The following CLK2 variants were observed in gnomAD, a reference collection of about 807,000 sequenced individuals.
The protein encoded by CLK2 is CDC like kinase 2.
CLK2 carries 12 observed loss-of-function variants against 73.5 expected under a neutral mutation model. That is an observed-to-expected ratio of 0.16 (90% confidence interval 0.10 to 0.26). The LOEUF (loss-of-function observed/expected upper bound fraction) is 0.26. CLK2 is among the 10% of genes least tolerant of loss of function. The pLI, the probability that CLK2 is intolerant of heterozygous loss-of-function variation, is 1.00. For synonymous variants in CLK2, 232 were observed against 237.9 expected, an observed-to-expected ratio of 0.98 and a Z score of 0.23; for missense variants, 509 against 688.4, an observed-to-expected ratio of 0.74 and a Z score of 2.92.
chr1:155,268,642 G>T lies in CLK2; in HGVS notation c.487+66C>A. The T allele has an allele frequency of 6.9e-7, 1 of 1,443,500 alleles. No homozygotes were observed. The highest frequency in any genetic ancestry group is 9.8e-7 in the Non-Finnish European group (1 of 1,024,676). The allele number at this position is 1,443,500 out of a possible 1,614,324, so 89.4% of individuals were successfully genotyped here. On this transcript the variant is annotated intron_variant, in intron 4 of 12. Transcript: ENST00000368361. The surrounding 1 kb of genome is among the most constrained non-coding windows in gnomAD (Gnocchi z 5.6). ...AGGCAAGAGGCTGTGACTCAGGTTG[G>T]CTTGGGACGTTAGGATGGCTATGGG...
chr1:155,267,984 C>T lies in CLK2; in HGVS notation c.671+26G>A, dbSNP rs1273707537. On this transcript the variant is annotated intron_variant, in intron 6 of 12. Coordinates refer to ENST00000368361, the MANE Select transcript of CLK2 (RefSeq NM_001294338.2). Reference sequence around the variant, plus strand: ...GTGTAGGGGTTGGGGCTCTCAGCCTCCCTACATACTTCCTTGCTTGCTTAC... The same window carrying T: ...GTGTAGGGGTTGGGGCTCTCAGCCTTCCTACATACTTCCTTGCTTGCTTAC... 3.2e-6 allele frequency: 5 copies of T among 1,552,232 alleles called. No individual in the cohort carries two copies. In the East Asian group the frequency reaches 6.7e-5, roughly 21 times the overall value.
rs746522251 is a variant in CLK2, at chr1:155,265,838, G to A, written c.933+22C>T. 10 of 1,522,110 alleles carry A rather than the reference G, an allele frequency of 6.6e-6. 1 individual carries two copies. The South Asian group carries it at 1.1e-4, about 17-fold the overall frequency. The allele number at this position is 1,522,110 out of a possible 1,614,324, so 94.3% of individuals were successfully genotyped here. ...GCAGCTGCCTGCCCCCAGTAACCAAGGGCAGACCCTATCCATCTTACCTTC... is the reference window on the plus strand; with the variant it reads ...GCAGCTGCCTGCCCCCAGTAACCAAAGGCAGACCCTATCCATCTTACCTTC... On this transcript the variant is annotated intron_variant, in intron 8 of 12. Transcript: ENST00000368361.
At chr1:155,265,277 G>A (rs1673173651) in intron 8 of CLK2, among the ~76,000 whole-genome samples, 1 of 152,108 alleles carries the variant, frequency 6.6e-6, no homozygotes, top group Non-Finnish European at 1.5e-5. Context: ...TCTCAAAAAA[G>A]AAGTCCGGGC....
Position 155,269,561 on chromosome 1 carries a change from C to T in CLK2, c.326G>A (p.Arg109His), listed in dbSNP as rs1347527146. ...YEYQRENSSYRSQRSSRRKHR... is the reference protein window; with the variant it reads ...YEYQRENSSYHSQRSSRRKHR... ...CTTCCTCCGGCTGCTGCGCTGGCTG[C>T]GGTAACTGCTGTTCTCCCGCTGATA... The change falls in exon 3 of 13, where the codon CGC becomes CAC. Residue 109 changes from arginine to histidine, a missense_variant. Physicochemically the swap from Arg to His is conservative, Grantham distance 29. This residue lies in a region of CLK2 where 222 missense variants were observed against 221.7 expected (regional missense o/e 1.00). Coordinates refer to ENST00000368361, the MANE Select transcript of CLK2 (RefSeq NM_001294338.2). The T allele has an allele frequency of 1.5e-5, 24 of 1,614,004 alleles. No individual in the cohort carries two copies. Among genetic ancestry groups the T allele is most frequent in the Admixed American group, 5.0e-5 (3 of 60,008 alleles).
chr1:155,268,437 G>C lies in CLK2; in HGVS notation c.488-78C>G. The stretch of plus-strand genomic sequence containing the variant: ...TGAGCTGAGTTGGAAGAAAAAAGGG[G>C]ACAGCAACCTGGGGTGGAGATGAAG... On this transcript the variant is annotated intron_variant, in intron 4 of 12. Transcript: ENST00000368361. The surrounding 1 kb of genome is among the most constrained non-coding windows in gnomAD (Gnocchi z 5.6). 8.5e-7 allele frequency: 1 copy of C among 1,177,918 alleles called. No homozygotes were observed. Among genetic ancestry groups the C allele is most frequent in the Non-Finnish European group, 1.3e-6 (1 of 787,856 alleles). The allele number at this position is 1,177,918 out of a possible 1,614,324, so 73.0% of individuals were successfully genotyped here. A position where few individuals can be genotyped will look rare whatever the true frequency, so the allele number is the denominator to read the frequency against.
chr1:155,271,070 C>G, intron 1 of CLK2, 93 bp from the exon 2 acceptor site: 1 of 1,301,278 alleles, frequency 7.7e-7, no homozygotes, highest in South Asian at 1.3e-5. Context: ...AAGCTGCTTT[C>G]CCCTCTTATT....
Position 155,269,469 on chromosome 1 carries a change from G to A in CLK2, c.399+19C>T, listed in dbSNP as rs1215696142. 6.2e-7 allele frequency: 1 copy of A among 1,608,692 alleles called. No individual in the cohort carries two copies. The highest frequency in any genetic ancestry group is 2.2e-5 in the East Asian group (1 of 44,864). ...CCTGCAGAAGAGTGGGGAGAGGAAG[G>A]GCCTGGGCTGGCACTCACCGAAGAT... is the stretch of plus-strand genomic sequence containing the variant. On this transcript the variant is annotated intron_variant, in intron 3 of 12. Transcript: ENST00000368361.
In CLK2 at chr1:155,263,410, G is replaced by C; in HGVS notation, c.1318-10C>G. On this transcript the variant is annotated splice_polypyrimidine_tract_variant and intron_variant, in intron 12 of 12. Transcript: ENST00000368361. ...CTGAGGTCAGATACCGCTGGTGGAG[G>C]AGGGCAGGAAAAAGGTGAGGCAGGA... 1 of 1,613,650 alleles carries C rather than the reference G, an allele frequency of 6.2e-7. No homozygotes were observed. The highest frequency in any genetic ancestry group is 2.2e-5 in the East Asian group (1 of 44,882).
Position 155,268,275 on chromosome 1 carries a change from G to A in CLK2, c.554+18C>T, listed in dbSNP as rs1557934403. 1.2e-6 allele frequency: 2 copies of A among 1,612,776 alleles called. No homozygotes were observed. Among genetic ancestry groups the A allele is most frequent in the East Asian group, 2.2e-5 (1 of 44,890 alleles). On this transcript the variant is annotated intron_variant, in intron 5 of 12. Coordinates refer to ENST00000368361, the MANE Select transcript of CLK2 (RefSeq NM_001294338.2). This position sits in a 1 kb window ranked among gnomAD's most constrained non-coding sequence, Gnocchi z 5.6. ...CCATCTCTTTAGCCCCACATAGTAG[G>A]GAGGGACTGACAGTTACCTGCGATG...
intron 11 of CLK2, 40 bp from the exon 12 acceptor site, chr1:155,264,080 C>A: frequency 6.3e-7 from 1 of 1,584,300 alleles, no homozygotes; most frequent in Non-Finnish European, 8.7e-7. Flanking sequence ...GAAGGTCACC[C>A]TTGTTACAAT....
rs770813929 is a variant in CLK2, at chr1:155,270,928, C to T, written c.50G>A (p.Ser17Asn). 6.2e-7 allele frequency: 1 copy of T among 1,614,178 alleles called. No homozygotes were observed. Among genetic ancestry groups the T allele is most frequent in the Non-Finnish European group, 8.5e-7 (1 of 1,180,020 alleles). ...YHSSERGSRG[S>N]YREHYRSRKH... ...TCGGCTCCGATAGTGTTCACGGTAACTCCCCCGGCTGCCTCGCTCTGAGGA... is the reference window on the plus strand; with the variant it reads ...TCGGCTCCGATAGTGTTCACGGTAATTCCCCCGGCTGCCTCGCTCTGAGGA... The change falls in exon 2 of 13, where the codon AGT (serine) becomes AAT (asparagine). Residue 17 changes from serine to asparagine, a missense_variant. By Grantham distance (46) the Ser-to-Asn change is conservative. Coordinates refer to ENST00000368361, the MANE Select transcript of CLK2 (RefSeq NM_001294338.2).
At chr1:155,269,107 A>G in intron 3 of CLK2, 1 of 577,976 alleles carries the variant, frequency 1.7e-6, no homozygotes, top group Non-Finnish European at 3.1e-6. Flanking sequence ...CCGGGCAGAC[A>G]CAGATCTCCC....
intron 8 of CLK2, among the ~76,000 whole-genome samples, chr1:155,265,588 A>AATAAATAAATAAATAAATAAATAAATAT (rs1557932155): frequency 9.3e-5 from 14 of 150,878 alleles, no homozygotes; most frequent in Non-Finnish European, 2.1e-4. Context: ...TAAATAAATA[A>AATAAATAAATAAATAAATAAATAAATAT]ATAAATAAAT....
chr1:155,272,828 G>C (rs1673573630), intron 1 of CLK2, among the ~76,000 whole-genome samples: 3 of 152,084 alleles, frequency 2.0e-5, no homozygotes, highest in Admixed American at 2.0e-4. Flanking sequence ...TTCTTACTCA[G>C]AAAATCCAGA....
At chr1:155,264,193 A>G in intron 11 of CLK2, 28 bp downstream of exon 11, 1 of 1,612,110 alleles carries the variant, frequency 6.2e-7, no homozygotes, top group Non-Finnish European at 8.5e-7. Flanking sequence ...AAAGGAAAAG[A>G]GTTAACTAGT....
chr1:155,268,638 G>T lies in CLK2; in HGVS notation c.487+70C>A. 7.1e-7 allele frequency: 1 copy of T among 1,405,972 alleles called. No homozygotes were observed. Among genetic ancestry groups the T allele is most frequent in the Non-Finnish European group, 1.0e-6 (1 of 990,550 alleles). 87.1% of individuals were successfully genotyped at this position (1,405,972 alleles called of 1,614,324 possible). A position where few individuals can be genotyped will look rare whatever the true frequency, so the allele number is the denominator to read the frequency against. ...GAAAAGGCAAGAGGCTGTGACTCAG[G>T]TTGGCTTGGGACGTTAGGATGGCTA... On this transcript the variant is annotated intron_variant, in intron 4 of 12. Transcript: ENST00000368361. The surrounding 1 kb of genome is among the most constrained non-coding windows in gnomAD (Gnocchi z 5.6).
At position 155,269,736 on chromosome 1, in the gene CLK2, A is replaced by G. The variant is rs1334947703; in HGVS notation, c.171-20T>C. The G allele has an allele frequency of 6.3e-7, 1 of 1,599,466 alleles. No individual in the cohort carries two copies. Among genetic ancestry groups the G allele is most frequent in the Admixed American group, 1.7e-5 (1 of 60,000 alleles). On this transcript the variant is annotated intron_variant, in intron 2 of 12. Transcript: ENST00000368361. ...TAACTGCTGTTGGATAACAAATACC[A>G]ATGAGGTGTATCTGTTCAGATCACA...
Position 155,273,448 on chromosome 1 carries a change from T to C in CLK2, c.-248A>G, listed in dbSNP as rs1673610198. 1 of 151,238 alleles carries C rather than the reference T, an allele frequency of 6.6e-6. No individual in the cohort carries two copies. The highest frequency in any genetic ancestry group is 2.0e-4 in the East Asian group (1 of 4,988). 9.4% of individuals were successfully genotyped at this position (151,238 alleles called of 1,614,324 possible). A position where few individuals can be genotyped will look rare whatever the true frequency, so the allele number is the denominator to read the frequency against. ...CGCCCGGGGCCCGATCCCAGCTCGG[T>C]CTCCGGCTCTGGCCTCTCCGCTCCG... On this transcript the variant is annotated 5_prime_UTR_variant, in exon 1 of 13. Coordinates refer to ENST00000368361, the MANE Select transcript of CLK2 (RefSeq NM_001294338.2).
At chr1:155,263,820 T>C in intron 12 of CLK2, 130 bp downstream of exon 12, 1 of 1,398,390 alleles carries the variant, frequency 7.2e-7, no homozygotes, top group South Asian at 1.4e-5. Flanking sequence ...TGACCAAAGA[T>C]GTCTTCTTTC....
Sources: allele counts gnomAD v4.1 joint callset (sites outside exome capture counted in the v4.1 genomes callset), GRCh38; gene constraint gnomAD v4.1.1; regional missense constraint gnomAD v4.1.1; non-coding constraint Gnocchi (gnomAD v3.1); transcripts MANE v1.5; gene names NCBI Gene and HGNC (gene_info 2026-07-23, HGNC 2026-07-21).